The following SLIT3 variants were observed in gnomAD, a reference collection of about 807,000 sequenced individuals.
SLIT3 encodes slit guidance ligand 3, also known as slit homolog 3 protein.
In SLIT3, 68 loss-of-function variants were observed where a neutral mutation model predicts 184.0. That is an observed-to-expected ratio of 0.37 (90% CI 0.30 to 0.45). The LOEUF is 0.45. Ranked by LOEUF, SLIT3 falls within the 20% of genes least tolerant of loss-of-function variation. The probability of loss-of-function intolerance (pLI) is 1.00; values close to 1 mark genes in which losing one functional copy is unlikely to be tolerated. For missense variants in SLIT3, 1,707 were observed against 2,026.0 expected, an observed-to-expected ratio of 0.84 and a Z score of 3.02; for synonymous variants, 831 against 828.6, an observed-to-expected ratio of 1.00 and a Z score of -0.05.
chr5:169,129,578 G>A (rs73315623), intron 4 of SLIT3, among the ~76,000 whole-genome samples: 7,604 of 151,998 alleles, frequency 0.05, 752 homozygotes, highest in East Asian at 0.38. Flanking sequence ...CTAAATTCTT[G>A]ACACTGCCTC....
intron 4 of SLIT3, among the ~76,000 whole-genome samples, chr5:169,056,414 A>G (rs1361723400): frequency 1.3e-5 from 2 of 152,168 alleles, no homozygotes; most frequent in Admixed American, 6.5e-5. Context: ...TACTTACATG[A>G]CCATCTGCTG....
intron 4 of SLIT3, among the ~76,000 whole-genome samples, chr5:169,118,106 A>G (rs1026149674): frequency 4.6e-5 from 7 of 152,170 alleles, no homozygotes; most frequent in Non-Finnish European, 1.0e-4. Context: ...TGAGCCCAGG[A>G]GTTCAAGGCT....
chr5:168,864,905 C>T (rs543259335), intron 5 of SLIT3, among the ~76,000 whole-genome samples: 70 of 152,298 alleles, frequency 4.6e-4, no homozygotes, highest in South Asian at 1.7e-3. Context: ...CGGTGGCTCA[C>T]GCCTCTAATC....
chr5:169,018,763 G>T (rs189531637), intron 4 of SLIT3: 13 of 152,310 alleles, frequency 8.5e-5, no homozygotes, highest in African/African-American at 2.6e-4. Context: ...AAATATCTCC[G>T]ACAACTCTGG....
chr5:169,170,375 G>C (rs1390163702), intron 4 of SLIT3, among the ~76,000 whole-genome samples: 3 of 152,204 alleles, frequency 2.0e-5, no homozygotes, highest in African/African-American at 7.2e-5. Flanking sequence ...AGCCCTGCTA[G>C]GGGCCTGCTC....
intron 4 of SLIT3, among the ~76,000 whole-genome samples, chr5:169,027,097 G>T (rs1417335759): frequency 6.6e-6 from 1 of 152,118 alleles, no homozygotes; most frequent in Non-Finnish European, 1.5e-5. Flanking sequence ...GAAAATTGAG[G>T]TGCCCATCCC....
At chr5:168,855,516 C>CA (rs1758832298) in intron 5 of SLIT3, among the ~76,000 whole-genome samples, 1 of 152,148 alleles carries the variant, frequency 6.6e-6, no homozygotes, top group Non-Finnish European at 1.5e-5. Flanking sequence ...GGTATGTACA[C>CA]ATAAAGGAAT....
intron 4 of SLIT3, among the ~76,000 whole-genome samples, chr5:169,010,238 C>G (rs1361276286): frequency 2.0e-5 from 3 of 152,192 alleles, no homozygotes; most frequent in East Asian, 1.9e-4. Flanking sequence ...AGTGTGACCA[C>G]AGAGAGTTGC....
intron 4 of SLIT3, among the ~76,000 whole-genome samples, chr5:168,927,780 A>T (rs1229267214): frequency 1.3e-5 from 2 of 152,172 alleles, no homozygotes; most frequent in Non-Finnish European, 2.9e-5. Context: ...GACCATTGAG[A>T]TTTTGCCTGC....
At chr5:168,777,093 A>T (rs772845436) in intron 12 of SLIT3, among the ~76,000 whole-genome samples, 14,428 of 111,636 alleles carry the variant, frequency 0.13, 901 homozygotes, top group East Asian at 0.26. Flanking sequence ...ACACACACAC[A>T]CACACACACA....
rs1764355252 is a variant in SLIT3 at position 169,214,019 on chromosome 5, A to G, written c.342-20469T>C. Among the ~76,000 whole-genome samples, 8 of 152,214 alleles carry G rather than the reference A, an allele frequency of 5.3e-5. No homozygotes were observed. In the South Asian group the frequency reaches 1.7e-3, roughly 31 times the overall value. On this transcript the variant is annotated intron_variant, in intron 3 of 35. Transcript: ENST00000519560. ...CAGGCATCATCCACTTGGTGGTGAG[A>G]GCTAAGCCATGAGCATTGGGAGAGT...
At chr5:169,235,439 A>T (rs1561757216) in intron 3 of SLIT3, among the ~76,000 whole-genome samples, 1 of 152,234 alleles carries the variant, frequency 6.6e-6, no homozygotes, top group Non-Finnish European at 1.5e-5. Flanking sequence ...AAAGCTGGGA[A>T]GATAGTACTG....
chr5:168,787,110 G>C (rs938294832), intron 11 of SLIT3, among the ~76,000 whole-genome samples: 1 of 152,138 alleles, frequency 6.6e-6, no homozygotes, highest in Non-Finnish European at 1.5e-5. Context: ...ATCAGCCTAC[G>C]GGTGTGTTTC....
At chr5:169,027,483 T>C (rs1320977853) in intron 4 of SLIT3, among the ~76,000 whole-genome samples, 1 of 152,198 alleles carries the variant, frequency 6.6e-6, no homozygotes, top group Non-Finnish European at 1.5e-5. Flanking sequence ...GCAGTTTTTA[T>C]TGTAGTGCTT....
At chr5:169,198,990 TTA>T (rs570660334) in intron 3 of SLIT3, among the ~76,000 whole-genome samples, 2,584 of 133,476 alleles carry the variant, frequency 0.019, 29 homozygotes, top group Admixed American at 0.036. Flanking sequence ...GTGTGTATAT[TTA>T]TATATATATA....
At chr5:168,798,006 G>A (rs1356514389) in intron 9 of SLIT3, among the ~76,000 whole-genome samples, 1 of 152,098 alleles carries the variant, frequency 6.6e-6, no homozygotes, top group East Asian at 1.9e-4. Flanking sequence ...CTCTGTGGAA[G>A]TAGGTATTCA....
intron 4 of SLIT3, among the ~76,000 whole-genome samples, chr5:169,002,322 CAAAAAAAAAAAAAAAAAAAAAAA>C (rs397999882): frequency 5.8e-4 from 14 of 24,200 alleles, no homozygotes; most frequent in African/African-American, 2.0e-3. Context: ...GACTCTGTCT[CAAAAAAAAAAAAAAAAAAAAAAA>C]AAAAAAAAAA....
intron 4 of SLIT3, among the ~76,000 whole-genome samples, chr5:169,174,440 A>G (rs1387693616): frequency 6.6e-6 from 1 of 152,200 alleles, no homozygotes; most frequent in Non-Finnish European, 1.5e-5. Flanking sequence ...GAGTGAAGAC[A>G]GAGCATCTGA....
intron 4 of SLIT3, among the ~76,000 whole-genome samples, chr5:169,137,267 C>T (rs544592556): frequency 1.3e-5 from 2 of 151,948 alleles, no homozygotes; most frequent in East Asian, 1.9e-4. Flanking sequence ...CCCCTTCTCT[C>T]TCTCAATTAA....
Sources: gnomAD v4.1 joint callset for allele counts (sites outside exome capture counted in the v4.1 genomes callset) on GRCh38, gnomAD v4.1.1 for gene constraint, MANE v1.5 for transcripts, NCBI Gene and HGNC (gene_info 2026-07-23, HGNC 2026-07-21) for gene names.